IQCN: variants seen among roughly 807,000 people sequenced by gnomAD.
The protein encoded by IQCN is IQ domain-containing protein N.
A neutral mutation model predicts 64.4 loss-of-function variants in IQCN; 46 were observed. The ratio of observed to expected loss-of-function variants is 0.71; its 90% CI spans 0.56 to 0.91. The LOEUF (loss-of-function observed/expected upper bound fraction) is 0.91, where lower values mean the gene tolerates loss of function less well. Ranked by LOEUF, IQCN falls within the 40% of genes least tolerant of loss-of-function variation. The pLI is 0.00. For synonymous variants in IQCN, 733 were observed against 775.6 expected (o/e 0.95, Z 0.91); for missense variants, 1,753 against 1,857.4 (o/e 0.94, Z 1.03).
rs781572781 is a variant in IQCN at position 18,264,903 on chromosome 19, G to A, written c.2637C>T (p.Ser879=). 2.5e-6 allele frequency: 4 copies of A among 1,613,364 alleles called. No homozygotes were observed. The highest frequency in any genetic ancestry group is 2.5e-6 in the Non-Finnish European group (3 of 1,179,940). Residue 879 remains serine (S), a synonymous_variant, in exon 3 of 4, where the codon TCC becomes TCT. Coordinates refer to ENST00000392413, the MANE Select transcript of IQCN (RefSeq NM_001145304.2). The surrounding 1 kb of genome is among the most constrained non-coding windows in gnomAD (Gnocchi z 4.3). ...GCACACCAGCTACTTCAGCACACAAGGAGGCCAGCAGGGAGCCTACCGTGT... is the reference window on the plus strand; with the variant it reads ...GCACACCAGCTACTTCAGCACACAAAGAGGCCAGCAGGGAGCCTACCGTGT... ...QEDTVGSLLA[S]LCAEVAGVLA...
In IQCN at chr19:18,266,207, A is replaced by G. The variant is rs1160931746; in HGVS notation, c.1333T>C (p.Cys445Arg). 1 of 1,614,014 alleles carries G rather than the reference A, an allele frequency of 6.2e-7. No individual in the cohort carries two copies. The highest frequency in any genetic ancestry group is 2.2e-5 in the East Asian group (1 of 44,880). The change falls in exon 3 of 4, where the codon TGC becomes CGC. Residue 445 changes from cysteine (C) to arginine (R), a missense_variant. By Grantham distance (180) the Cys-to-Arg change is radical. Transcript: ENST00000392413. This position sits in a 1 kb window ranked among gnomAD's most constrained non-coding sequence, Gnocchi z 4.3. ...GTCTTTGCCATCGCAGGCCCCGGGC[A>G]TACCTGGGGCAGGCTCTTCATGATG... ...ASIMKSLPQV[C>R]PGPAMAKTPP...
rs756145687 is a variant in IQCN at position 18,257,812 on chromosome 19, G to A, written c.3472C>T (p.His1158Tyr). Residue 1158 changes from histidine to tyrosine, a missense_variant, in exon 4 of 4, where the codon CAC becomes TAC. By Grantham distance (83) the His-to-Tyr change is moderately conservative. Transcript: ENST00000392413. The stretch of plus-strand genomic sequence containing the variant: ...ATGGTCGTGGTGGCTCTGCAGAGGT[G>A]TGCCAGGTTCCGCCGCACACGGTAG... ...RGYRVRRNLA[H>Y]LCRATTTIQS... The A allele has an allele frequency of 7.4e-6, 12 of 1,611,036 alleles. No individual in the cohort carries two copies. Among genetic ancestry groups the A allele is most frequent in the Middle Eastern group, 3.3e-4 (2 of 6,046 alleles).
chr19:18,273,673 G>A (rs1410694437), intron 1 of IQCN, among the ~76,000 whole-genome samples: 3 of 152,174 alleles, frequency 2.0e-5, no homozygotes, highest in Non-Finnish European at 4.4e-5. Context: ...TGACCATATG[G>A]GTCAGGCTGG....
Position 18,267,354 on chromosome 19 carries a change from C to T in IQCN, c.186G>A (p.Lys62=). The change falls in exon 3 of 4, where the codon AAG becomes AAA. Residue 62 remains lysine, a synonymous_variant. Transcript: ENST00000392413. ...CGGCAGGCTGTTGCGGAAGATGCTC[C>T]TTGGACTTGAGGCCCTCGTGCTGGG... ...PQPQHEGLKS[K]EHLPQQPAEG... The T allele has an allele frequency of 6.2e-7, 1 of 1,613,752 alleles. No individual in the cohort carries two copies. Among genetic ancestry groups the T allele is most frequent in the Non-Finnish European group, 8.5e-7 (1 of 1,179,752 alleles).
At chr19:18,271,814 T>C (rs1969740372) in intron 1 of IQCN, among the ~76,000 whole-genome samples, 1 of 152,098 alleles carries the variant, frequency 6.6e-6, no homozygotes, top group Admixed American at 6.6e-5. Flanking sequence ...TTTATTTATT[T>C]ATGATTTTTG....
At chr19:18,263,266 T>C (rs1969469859) in intron 3 of IQCN, among the ~76,000 whole-genome samples, 1 of 152,222 alleles carries the variant, frequency 6.6e-6, no homozygotes, top group Admixed American at 6.5e-5. Context: ...CTGAGGGAAC[T>C]AGAACTTTGC....
chr19:18,258,381 G>A, intron 3 of IQCN: 1 of 669,694 alleles, frequency 1.5e-6, no homozygotes, highest in Admixed American at 2.0e-5. Context: ...GGCCTGGGAT[G>A]GTTGTCTTTG....
rs145865696 is a variant in IQCN at position 18,265,687 on chromosome 19, A to G, written c.1853T>C (p.Met618Thr). 4 of 1,614,122 alleles carry G rather than the reference A, an allele frequency of 2.5e-6. No homozygotes were observed. The highest frequency in any genetic ancestry group is 3.4e-6 in the Non-Finnish European group (4 of 1,180,026). ...CACTGCCACACTGGTCTTAAATGCCATGTCTGTTTTCGCCTGTTTCTGGGT... is the reference window on the plus strand; with the variant it reads ...CACTGCCACACTGGTCTTAAATGCCGTGTCTGTTTTCGCCTGTTTCTGGGT... The part of the protein sequence containing the change: ...TGTQKQAKTD[M>T]AFKTSVAVEM... Residue 618 changes from methionine to threonine, a missense_variant, in exon 3 of 4, where the codon ATG (methionine) becomes ACG (threonine). Physicochemically the swap from Met to Thr is moderately conservative, Grantham distance 81. Coordinates refer to ENST00000392413, the MANE Select transcript of IQCN (RefSeq NM_001145304.2). The surrounding 1 kb of genome is among the most constrained non-coding windows in gnomAD (Gnocchi z 4.7).
Position 18,265,087 on chromosome 19 carries a change from T to C in IQCN, c.2453A>G (p.Gln818Arg), listed in dbSNP as rs527865880. The C allele has an allele frequency of 5.0e-6, 8 of 1,600,768 alleles. No homozygotes were observed. The South Asian group carries it at 5.5e-5, about 11-fold the overall frequency. The change falls in exon 3 of 4, where the codon CAG becomes CGG. Residue 818 changes from glutamine to arginine, a missense_variant. Coordinates refer to ENST00000392413, the MANE Select transcript of IQCN (RefSeq NM_001145304.2). This position sits in a 1 kb window ranked among gnomAD's most constrained non-coding sequence, Gnocchi z 4.7. ...PHGHVPGKTTQGGPCPAACEV... is the reference protein window; with the variant it reads ...PHGHVPGKTTRGGPCPAACEV... The stretch of plus-strand genomic sequence containing the variant: ...ACAGGCTGCCGGGCATGGTCCCCCC[T>C]GAGTGGTCTTCCCCGGCACGTGTCC...
chr19:18,269,941 G>A (rs1294927619), intron 1 of IQCN, among the ~76,000 whole-genome samples: 1 of 151,218 alleles, frequency 6.6e-6, no homozygotes, highest in African/African-American at 2.4e-5. Flanking sequence ...TCCAGGCTGA[G>A]CACAGTGGTT....
Position 18,267,018 on chromosome 19 carries a change from C to T in IQCN, c.522G>A (p.Gln174=), listed in dbSNP as rs1196819104. 1.2e-6 allele frequency: 2 copies of T among 1,614,226 alleles called. No individual in the cohort carries two copies. Among genetic ancestry groups the T allele is most frequent in the African/African-American group, 2.7e-5 (2 of 75,056 alleles). ...ACAGAAGGCGGTTCTCTTCCGGATG[C>T]TGGAAGCGCACCTGCTGTGGGGCGT... ...PYHAPQQVRF[Q]HPEENRLLSP... The change falls in exon 3 of 4, where the codon CAG becomes CAA. Residue 174 remains glutamine (Q), a synonymous_variant. Coordinates refer to ENST00000392413, the MANE Select transcript of IQCN (RefSeq NM_001145304.2).
rs185067466 is a variant in IQCN, at chr19:18,267,537, G to A, written c.14-11C>T. 949 of 1,512,938 alleles carry A rather than the reference G, an allele frequency of 6.3e-4. 9 individuals are homozygous for A. In the African/African-American group the frequency reaches 0.01, roughly 16 times the overall value. 93.7% of individuals were successfully genotyped at this position (1,512,938 alleles called of 1,614,324 possible). The stretch of plus-strand genomic sequence containing the variant: ...ACAGGTCAGCTCTGCCTGTGGGGGC[G>A]GCAGGGGGTGGTCAGGGTGTAGCAG... On this transcript the variant is annotated splice_polypyrimidine_tract_variant and intron_variant, in intron 2 of 3. Coordinates refer to ENST00000392413, the MANE Select transcript of IQCN (RefSeq NM_001145304.2).
intron 1 of IQCN, among the ~76,000 whole-genome samples, chr19:18,270,469 G>C (rs532914645): frequency 5.9e-5 from 9 of 151,942 alleles, no homozygotes; most frequent in African/African-American, 1.7e-4. Flanking sequence ...AGACCAGCCT[G>C]GGCAACATGG....
Position 18,269,557 on chromosome 19 carries a change from T to C in IQCN, c.-79A>G, listed in dbSNP as rs1340007788. 11 of 1,487,684 alleles carry C rather than the reference T, an allele frequency of 7.4e-6. No homozygotes were observed. The highest frequency in any genetic ancestry group is 1.4e-5 in the African/African-American group (1 of 72,172). 92.2% of individuals were successfully genotyped at this position (1,487,684 alleles called of 1,614,324 possible). A position where few individuals can be genotyped will look rare whatever the true frequency, so the allele number is the denominator to read the frequency against. ...AGAGGAGGCAGCCTTCAGCCTTTCATCCATGCAATATGCAGCAACACTGCC... is the reference window on the plus strand; with the variant it reads ...AGAGGAGGCAGCCTTCAGCCTTTCACCCATGCAATATGCAGCAACACTGCC... On this transcript the variant is annotated 5_prime_UTR_variant, in exon 2 of 4. An upstream start codon of the reference 5' UTR is lost. Transcript: ENST00000392413.
At position 18,257,297 on chromosome 19, in the gene IQCN, T is replaced by G; in HGVS notation, c.3987A>C (p.Ile1329=). The G allele has an allele frequency of 8.1e-6, 13 of 1,613,630 alleles. No homozygotes were observed. The highest frequency in any genetic ancestry group is 1.0e-5 in the Non-Finnish European group (12 of 1,180,018). ...QMRQQQMAAK[I]VQATWRGHHT... ...GGTGGCCTCGCCAGGTGGCTTGAAC[T>G]ATCTTCGCTGCCATTTGCTGCTGCC... Residue 1329 remains isoleucine (I), a synonymous_variant, in exon 4 of 4, where the codon ATA becomes ATC. Coordinates refer to ENST00000392413, the MANE Select transcript of IQCN (RefSeq NM_001145304.2).
chr19:18,258,805 A>C, intron 3 of IQCN: 1 of 207,390 alleles, frequency 4.8e-6, no homozygotes, highest in Non-Finnish European at 1.0e-5. Context: ...CCCTGTTGAT[A>C]AACTGAGGGG....
At chr19:18,268,207 T>C (rs1003987291) in intron 2 of IQCN, among the ~76,000 whole-genome samples, 21 of 151,196 alleles carry the variant, frequency 1.4e-4, no homozygotes, top group Admixed American at 7.9e-4. Context: ...TGTGTGTGTG[T>C]GTGTGTGTGT....
intron 1 of IQCN, among the ~76,000 whole-genome samples, chr19:18,271,717 G>A (rs999653465): frequency 6.6e-6 from 1 of 152,122 alleles, no homozygotes; most frequent in Non-Finnish European, 1.5e-5. Flanking sequence ...TGGTGCTCTG[G>A]ATGTGCACTG....
rs112055155 is a variant in IQCN, at chr19:18,273,828, G to T, written c.-110+575C>A. On this transcript the variant is annotated intron_variant, in intron 1 of 3. Transcript: ENST00000392413. ...ACTCAACCAGAAGGGGTGAGAAACG[G>T]GATTGTGGGGGATGAGAAGAAGGAA... Among the ~76,000 whole-genome samples, 550 of 152,268 alleles carry T rather than the reference G, an allele frequency of 3.6e-3. 2 individuals carry two copies. Among genetic ancestry groups the T allele is most frequent in the African/African-American group, 0.012 (509 of 41,560 alleles).
Sources: allele counts gnomAD v4.1 joint callset (sites outside exome capture counted in the v4.1 genomes callset), GRCh38; gene constraint gnomAD v4.1.1; non-coding constraint Gnocchi (gnomAD v3.1); transcripts MANE v1.5; gene names NCBI Gene and HGNC (gene_info 2026-07-23, HGNC 2026-07-21).